TTLL11: variants seen among roughly 807,000 people sequenced by gnomAD.
The protein encoded by TTLL11 is tubulin tyrosine ligase like 11, also known as tubulin polyglutamylase TTLL11.
TTLL11 carries 42 observed loss-of-function variants against 51.7 expected under a neutral mutation model. The ratio of observed to expected loss-of-function variants is 0.81; its 90% CI spans 0.64 to 1.05. The LOEUF (loss-of-function observed/expected upper bound fraction) is 1.05, where lower values mean the gene tolerates loss of function less well. Ranked by LOEUF, TTLL11 falls within the 50% of genes least tolerant of loss-of-function variation. The pLI, the probability that TTLL11 is intolerant of heterozygous loss-of-function variation, is 0.00. For synonymous variants in TTLL11, 381 were observed against 383.5 expected (o/e 0.99, Z 0.08); for missense variants, 799 against 940.4 (o/e 0.85, Z 1.97).
In TTLL11 at chr9:121,819,660, G is replaced by A. The variant is rs1034677424; in HGVS notation, c.*2927C>T. Among the ~76,000 whole-genome samples the A allele has an allele frequency of 1.3e-5, 2 of 152,132 alleles. No individual in the cohort carries two copies. The highest frequency in any genetic ancestry group is 2.4e-5 in the African/African-American group (1 of 41,408). ...GACGCTGGAGATGGATCCTGAGGGC[G>A]CTTGCAGGGATGGGGCTTATCCTGC... On this transcript the variant is annotated 3_prime_UTR_variant, in exon 9 of 9. Transcript: ENST00000321582.
intron 4 of TTLL11, among the ~76,000 whole-genome samples, chr9:121,984,080 A>G (rs1225176355): frequency 2.0e-5 from 3 of 152,206 alleles, no homozygotes; most frequent in Non-Finnish European, 4.4e-5. Context: ...GCAATGGGAA[A>G]GCACAAATTA....
At chr9:122,085,745 C>A (rs966795454) in intron 1 of TTLL11, among the ~76,000 whole-genome samples, 2 of 152,208 alleles carry the variant, frequency 1.3e-5, no homozygotes, top group Admixed American at 1.3e-4. Flanking sequence ...AGTCAATTTA[C>A]ATACATTCCC....
chr9:121,986,074 C>T (rs1430745592), intron 4 of TTLL11, among the ~76,000 whole-genome samples: 1 of 152,182 alleles, frequency 6.6e-6, no homozygotes, highest in Non-Finnish European at 1.5e-5. Context: ...TCCCCCCATG[C>T]TCCTCCTCTG....
chr9:121,956,801 T>C (rs960331422), intron 6 of TTLL11, among the ~76,000 whole-genome samples: 5 of 152,226 alleles, frequency 3.3e-5, no homozygotes, highest in African/African-American at 9.6e-5. Context: ...GTTCAGCAGT[T>C]TGGGCTTTAA....
intron 6 of TTLL11, among the ~76,000 whole-genome samples, chr9:121,914,494 C>T (rs2131508351): frequency 6.6e-6 from 1 of 152,352 alleles, no homozygotes; most frequent in East Asian, 1.9e-4. Flanking sequence ...TAGGCAGGGC[C>T]TTCTAATGAA....
intron 3 of TTLL11, among the ~76,000 whole-genome samples, chr9:122,029,949 A>C (rs1000952312): frequency 6.6e-6 from 1 of 152,122 alleles, no homozygotes; most frequent in Non-Finnish European, 1.5e-5. Flanking sequence ...TAAGTCCAGT[A>C]CCATGCTATA....
chr9:121,816,700 CGTGT>C lies in TTLL11; in HGVS notation c.*5883_*5886del, dbSNP rs779291736. The C allele has an allele frequency of 3.3e-5, 5 of 151,310 alleles. No individual in the cohort carries two copies. Among genetic ancestry groups the C allele is most frequent in the East Asian group, 3.9e-4 (2 of 5,120 alleles). 9.4% of individuals were successfully genotyped at this position (151,310 alleles called of 1,614,324 possible). A position where few individuals can be genotyped will look rare whatever the true frequency, so the allele number is the denominator to read the frequency against. On this transcript the variant is annotated 3_prime_UTR_variant, in exon 9 of 9. Coordinates refer to ENST00000321582, the MANE Select transcript of TTLL11 (RefSeq NM_001139442.2). ...CATGCGTGTGCATCGTGTGTGCGTG[CGTGT>C]GTGTGCATGCATGCGCGCGTGTGTG...
At chr9:121,892,059 A>C (rs184839400) in intron 6 of TTLL11, among the ~76,000 whole-genome samples, 4 of 146,634 alleles carry the variant, frequency 2.7e-5, no homozygotes, top group Non-Finnish European at 6.0e-5. Context: ...AAAAATATAA[A>C]AAATATATAA....
chr9:121,978,238 T>G (rs965963448), intron 4 of TTLL11, among the ~76,000 whole-genome samples: 1 of 152,210 alleles, frequency 6.6e-6, no homozygotes, highest in Admixed American at 6.5e-5. Flanking sequence ...TCAATGGATC[T>G]TAATAAACAG....
At chr9:121,833,828 G>C in intron 8 of TTLL11, among the ~76,000 whole-genome samples, 1 of 152,124 alleles carries the variant, frequency 6.6e-6, no homozygotes, top group East Asian at 1.9e-4. Flanking sequence ...TATTATTCCA[G>C]ACTGAATATG....
At chr9:121,970,591 T>C (rs1406092006) in intron 6 of TTLL11, among the ~76,000 whole-genome samples, 1 of 151,978 alleles carries the variant, frequency 6.6e-6, no homozygotes, top group Non-Finnish European at 1.5e-5. Context: ...AACAAAGATA[T>C]GAAAAAAAGC....
rs1189626793 is a variant in TTLL11, at chr9:121,826,557, G to GTGTATATATATATATATATA, written c.1841-3679_1841-3678insTATATATATATATATATACA. ...TGTGTGTATATATATATATGTGTGT[G>GTGTATATATATATATATATA]TATATATATATATATATATATATAT... On this transcript the variant is annotated intron_variant, in intron 8 of 8. Transcript: ENST00000321582. Among the ~76,000 whole-genome samples, 129 of 51,332 alleles carry GTGTATATATATATATATATA rather than the reference G, an allele frequency of 2.5e-3. 5 individuals are homozygous for GTGTATATATATATATATATA. Among genetic ancestry groups the GTGTATATATATATATATATA allele is most frequent in the African/African-American group, 5.5e-3 (78 of 14,188 alleles). The allele number at this position is 51,332 out of a possible 152,430, so 33.7% of individuals were successfully genotyped here.
intron 6 of TTLL11, among the ~76,000 whole-genome samples, chr9:121,931,717 C>A (rs1390398104): frequency 1.3e-5 from 2 of 151,664 alleles, no homozygotes; most frequent in Admixed American, 1.3e-4. Context: ...GCTTGTGGAA[C>A]AATAGAGGGC....
chr9:121,823,131 C>A (rs1268881826), intron 8 of TTLL11, among the ~76,000 whole-genome samples: 1 of 152,212 alleles, frequency 6.6e-6, no homozygotes, highest in East Asian at 1.9e-4. Context: ...GTTCGGTTAA[C>A]CCTATTTTGC....
At chr9:121,935,554 G>A (rs1841174173) in intron 6 of TTLL11, among the ~76,000 whole-genome samples, 1 of 152,178 alleles carries the variant, frequency 6.6e-6, no homozygotes, top group Non-Finnish European at 1.5e-5. Context: ...AGTGTTTTTA[G>A]CAGGAACTTA....
chr9:122,007,951 TAATAAGA>T (rs1843699997), intron 3 of TTLL11, among the ~76,000 whole-genome samples: 1 of 152,124 alleles, frequency 6.6e-6, no homozygotes, highest in Non-Finnish European at 1.5e-5. Context: ...ACATTACCAG[TAATAAGA>T]CAGAAGGACA....
In TTLL11 at chr9:121,820,257, T is replaced by C. The variant is rs1836537974; in HGVS notation, c.*2330A>G. ...GCTTGGTTGGTTTTAGACCTGAACA[T>C]TGCGCTCCACTTTGGCAAGCGAGTA... On this transcript the variant is annotated 3_prime_UTR_variant, in exon 9 of 9. Transcript: ENST00000321582. Among the ~76,000 whole-genome samples, 1 of 152,222 alleles carries C rather than the reference T, an allele frequency of 6.6e-6. No individual in the cohort carries two copies. Among genetic ancestry groups the C allele is most frequent in the Non-Finnish European group, 1.5e-5 (1 of 68,036 alleles).
At chr9:121,886,420 G>A (rs768917536) in intron 6 of TTLL11, among the ~76,000 whole-genome samples, 2 of 152,188 alleles carry the variant, frequency 1.3e-5, no homozygotes, top group African/African-American at 4.8e-5. Context: ...GAGAGATAGA[G>A]GGAGATTTGA....
chr9:121,883,869 G>C (rs1231139166), intron 6 of TTLL11, among the ~76,000 whole-genome samples: 1 of 152,184 alleles, frequency 6.6e-6, no homozygotes, highest in Non-Finnish European at 1.5e-5. Context: ...AGAGCTGCAG[G>C]GAGGATGAAT....
Sources: gnomAD v4.1 joint callset for allele counts (sites outside exome capture counted in the v4.1 genomes callset) on GRCh38, gnomAD v4.1.1 for gene constraint, MANE v1.5 for transcripts, NCBI Gene and HGNC (gene_info 2026-07-23, HGNC 2026-07-21) for gene names.